The following MACROH2A1 variants were observed in gnomAD, a reference collection of about 807,000 sequenced individuals.
MACROH2A1 encodes macroH2A.1 histone, also known as core histone macro-H2A.1.
MACROH2A1 carries 2 observed loss-of-function variants against 31.6 expected under a neutral mutation model. That is an observed-to-expected ratio of 0.06 (90% CI 0.03 to 0.20). The LOEUF (loss-of-function observed/expected upper bound fraction) is 0.20, where lower values mean the gene tolerates loss of function less well. Ranked by LOEUF, MACROH2A1 falls within the 10% of genes least tolerant of loss-of-function variation. The pLI, the probability that MACROH2A1 is intolerant of heterozygous loss-of-function variation, is 1.00. For synonymous variants in MACROH2A1, 169 were observed against 189.6 expected (o/e 0.89, Z 0.89); for missense variants, 230 against 474.0 (o/e 0.49, Z 4.78).
intron 6 of MACROH2A1, chr5:135,351,145 AAAAG>A: frequency 2.4e-6 from 1 of 418,280 alleles, no homozygotes; most frequent in South Asian, 4.6e-5. Flanking sequence ...GAAGTCCAAA[AAAAG>A]AGAAACACAC....
intron 6 of MACROH2A1, among the ~76,000 whole-genome samples, chr5:135,350,080 C>T (rs1488645996): frequency 6.6e-6 from 1 of 152,152 alleles, no homozygotes; most frequent in Non-Finnish European, 1.5e-5. Flanking sequence ...ATACTCCTGC[C>T]AGGAATCTGC....
At chr5:135,393,002 A>G (rs1338825201) in intron 1 of MACROH2A1, among the ~76,000 whole-genome samples, 1 of 152,248 alleles carries the variant, frequency 6.6e-6, no homozygotes, top group African/African-American at 2.4e-5. Flanking sequence ...AAAAAAGGCC[A>G]TCTTCTTGCA....
intron 8 of MACROH2A1, 26 bp from the exon 9 acceptor site, chr5:135,335,167 G>A (rs1273707078): frequency 6.2e-7 from 1 of 1,600,974 alleles, no homozygotes; most frequent in South Asian, 1.1e-5. Flanking sequence ...TAAGCACTCA[G>A]CAACTGGGAT....
At chr5:135,360,736 G>A (rs1267212867) in intron 4 of MACROH2A1, 129 bp from the exon 5 acceptor site, 15 of 729,312 alleles carry the variant, frequency 2.1e-5, no homozygotes, top group South Asian at 4.4e-5. Context: ...AGTTCTCAGC[G>A]TTTCTCCAAG....
chr5:135,379,818 A>G (rs557557313), intron 2 of MACROH2A1, among the ~76,000 whole-genome samples: 13 of 152,078 alleles, frequency 8.5e-5, no homozygotes, highest in African/African-American at 2.9e-4. Context: ...GCTGGGTCCC[A>G]CTCCTGGGAC....
intron 4 of MACROH2A1, among the ~76,000 whole-genome samples, chr5:135,364,680 A>G (rs3776207): frequency 0.017 from 2,567 of 152,348 alleles, 67 homozygotes; most frequent in Admixed American, 0.068. Context: ...CTGAGCATCC[A>G]GAAAGACTTA....
At chr5:135,343,101 T>C in intron 8 of MACROH2A1, 159 bp downstream of exon 8, 1 of 1,516,006 alleles carries the variant, frequency 6.6e-7, no homozygotes, top group Non-Finnish European at 8.9e-7. Context: ...TCCCTCACCA[T>C]CATTTAATGT....
chr5:135,366,933 G>A (rs1392348404), intron 4 of MACROH2A1, among the ~76,000 whole-genome samples: 2 of 152,168 alleles, frequency 1.3e-5, no homozygotes, highest in Non-Finnish European at 2.9e-5. Context: ...GTCAGGCTCT[G>A]GACACCCAGC....
chr5:135,348,255 G>GTAA (rs1761101674), intron 6 of MACROH2A1, among the ~76,000 whole-genome samples: 1 of 152,178 alleles, frequency 6.6e-6, no homozygotes, highest in Non-Finnish European at 1.5e-5. Context: ...CACTCTTATT[G>GTAA]TAAGACTCTT....
intron 2 of MACROH2A1, among the ~76,000 whole-genome samples, chr5:135,371,472 C>T (rs1359898370): frequency 6.6e-6 from 1 of 152,074 alleles, no homozygotes; most frequent in East Asian, 1.9e-4. Context: ...TGAGCATAAC[C>T]CATAGTTAGT....
At position 135,398,951 on chromosome 5, in the gene MACROH2A1, C is replaced by G. The variant is rs1028444814; in HGVS notation, c.-34+111G>C. On this transcript the variant is annotated intron_variant, in intron 1 of 8. Transcript: ENST00000511689. This position sits in a 1 kb window ranked among gnomAD's most constrained non-coding sequence, Gnocchi z 4.6. ...CCACACCGAACCCGGCGGCCCGAGC[C>G]CGGCCCGCACCACACCGGTGCGCGC... The G allele has an allele frequency of 1.2e-3, 182 of 150,158 alleles. No individual in the cohort carries two copies. The highest frequency in any genetic ancestry group is 4.3e-3 in the African/African-American group (175 of 41,116). 9.3% of individuals were successfully genotyped at this position (150,158 alleles called of 1,614,324 possible). A position where few individuals can be genotyped will look rare whatever the true frequency, so the allele number is the denominator to read the frequency against.
At chr5:135,358,987 G>A (rs763500422) in intron 5 of MACROH2A1, 40 of 985,132 alleles carry the variant, frequency 4.1e-5, no homozygotes, top group African/African-American at 1.2e-4. Flanking sequence ...AGAGGAGGCC[G>A]TGATCCCATT....
At chr5:135,384,757 T>C (rs1410610432) in intron 2 of MACROH2A1, among the ~76,000 whole-genome samples, 1 of 152,244 alleles carries the variant, frequency 6.6e-6, no homozygotes, top group African/African-American at 2.4e-5. Context: ...GGACTTCACA[T>C]GCATGCTCTC....
intron 6 of MACROH2A1, among the ~76,000 whole-genome samples, chr5:135,349,795 A>C (rs1761294137): frequency 6.6e-6 from 1 of 152,212 alleles, no homozygotes; most frequent in Non-Finnish European, 1.5e-5. Flanking sequence ...CACATGAGTG[A>C]TACCTTACAG....
chr5:135,374,535 G>A (rs1295917630), intron 2 of MACROH2A1, among the ~76,000 whole-genome samples: 1 of 152,210 alleles, frequency 6.6e-6, no homozygotes, highest in Non-Finnish European at 1.5e-5. Context: ...CCAGCAAGGA[G>A]GGCTTTCTCC....
At position 135,369,956 on chromosome 5, in the gene MACROH2A1, C is replaced by T; in HGVS notation, c.279+80G>A. The T allele has an allele frequency of 1.1e-6, 1 of 925,656 alleles. No individual in the cohort carries two copies. Among genetic ancestry groups the T allele is most frequent in the Non-Finnish European group, 1.7e-6 (1 of 588,168 alleles). 57.3% of individuals were successfully genotyped at this position (925,656 alleles called of 1,614,324 possible). A position where few individuals can be genotyped will look rare whatever the true frequency, so the allele number is the denominator to read the frequency against. The stretch of plus-strand genomic sequence containing the variant: ...GTCCACACCTTTCATAACCAGCCAA[C>T]ACCAAAGCCTCTCAGCTATGTTTCT... On this transcript the variant is annotated intron_variant, in intron 3 of 8. Transcript: ENST00000511689. The surrounding 1 kb of genome is among the most constrained non-coding windows in gnomAD (Gnocchi z 4.3).
At chr5:135,335,203 C>T (rs1158285074) in intron 8 of MACROH2A1, 62 bp from the exon 9 acceptor site, 2 of 1,284,642 alleles carry the variant, frequency 1.6e-6, no homozygotes, top group Non-Finnish European at 2.3e-6. Flanking sequence ...GGACCTGCCC[C>T]ACCTTACAGG....
intron 8 of MACROH2A1, among the ~76,000 whole-genome samples, chr5:135,340,861 T>C (rs1484956933): frequency 6.6e-6 from 1 of 152,264 alleles, no homozygotes; most frequent in Non-Finnish European, 1.5e-5. Context: ...CACAGCTCTA[T>C]GGGGTGAGGT....
Position 135,350,433 on chromosome 5 carries a change from A to G in MACROH2A1, c.688+2513T>C, listed in dbSNP as rs539677209. Among the ~76,000 whole-genome samples the G allele has an allele frequency of 1.8e-3, 280 of 152,182 alleles. 2 individuals are homozygous for G. The highest frequency in any genetic ancestry group is 6.4e-3 in the African/African-American group (264 of 41,508). ...TGGGGGTGGTGACCTGTGCACAGGC[A>G]TATGTGTCTGTCTGCTCTTCAGAGT... On this transcript the variant is annotated intron_variant, in intron 6 of 8. Coordinates refer to ENST00000511689, the MANE Select transcript of MACROH2A1 (RefSeq NM_138610.3).
Sources: gnomAD v4.1 joint callset for allele counts (sites outside exome capture counted in the v4.1 genomes callset) on GRCh38, gnomAD v4.1.1 for gene constraint, Gnocchi (gnomAD v3.1) non-coding constraint, MANE v1.5 for transcripts, NCBI Gene and HGNC (gene_info 2026-07-23, HGNC 2026-07-21) for gene names.